CCDC178: variants seen among roughly 807,000 people sequenced by gnomAD.
CCDC178 encodes the protein coiled-coil domain containing 178.
A neutral mutation model predicts 117.4 loss-of-function variants in CCDC178; 126 were observed. The observed-to-expected ratio is 1.07, with a 90% CI of 0.93 to 1.24. The LOEUF (loss-of-function observed/expected upper bound fraction) is 1.24. Among genes scored for constraint, CCDC178 ranks in the 50% most tolerant of loss-of-function variants. The pLI is 0.00. For synonymous variants in CCDC178, 283 were observed against 313.4 expected (o/e 0.90, Z 1.02); for missense variants, 1,030 against 986.9 (o/e 1.04, Z -0.59).
At chr18:32,981,633 A>G (rs950546398) in intron 21 of CCDC178, among the ~76,000 whole-genome samples, 2 of 152,186 alleles carry the variant, frequency 1.3e-5, no homozygotes, top group Non-Finnish European at 2.9e-5. Context: ...AATTTATTAT[A>G]ATTTGTTTGT....
chr18:33,269,407 T>A (rs12150837), intron 12 of CCDC178, among the ~76,000 whole-genome samples: 10,437 of 151,822 alleles, frequency 0.069, 558 homozygotes, highest in African/African-American at 0.14. Flanking sequence ...GGTATTCACA[T>A]GTTCTGGAAA....
intron 20 of CCDC178, among the ~76,000 whole-genome samples, chr18:33,202,513 A>T (rs2059003014): frequency 6.6e-6 from 1 of 151,546 alleles, no homozygotes; most frequent in Admixed American, 6.6e-5. Flanking sequence ...AGCTGTTACC[A>T]GTCAACCAGG....
chr18:33,390,392 T>C (rs1332015320), intron 4 of CCDC178, among the ~76,000 whole-genome samples: 4 of 152,078 alleles, frequency 2.6e-5, no homozygotes, highest in Non-Finnish European at 5.9e-5. Flanking sequence ...AGACCATTCA[T>C]ATAACTTTAT....
chr18:33,308,005 G>C (rs1386428561), intron 11 of CCDC178, among the ~76,000 whole-genome samples: 1 of 152,224 alleles, frequency 6.6e-6, no homozygotes, highest in Non-Finnish European at 1.5e-5. Flanking sequence ...TGCAGAAGAG[G>C]AATGTGGGGT....
At chr18:33,234,459 G>A (rs531029033) in intron 15 of CCDC178, among the ~76,000 whole-genome samples, 88 of 152,026 alleles carry the variant, frequency 5.8e-4, no homozygotes, top group African/African-American at 2.0e-3. Context: ...TTATAAATAT[G>A]GAACAGAGAG....
At chr18:33,356,195 G>T in intron 7 of CCDC178, 129 bp downstream of exon 7, 1 of 917,356 alleles carries the variant, frequency 1.1e-6, no homozygotes, top group Non-Finnish European at 1.6e-6. Flanking sequence ...AAAATATATT[G>T]CAATATCTAT....
intron 22 of CCDC178, among the ~76,000 whole-genome samples, chr18:32,972,006 A>G (rs897428300): frequency 2.6e-5 from 4 of 152,098 alleles, no homozygotes; most frequent in Non-Finnish European, 5.9e-5. Context: ...TTTGCTGTGC[A>G]GAAGCTCTTT....
At chr18:33,057,242 G>A (rs2056845553) in intron 21 of CCDC178, among the ~76,000 whole-genome samples, 1 of 152,100 alleles carries the variant, frequency 6.6e-6, no homozygotes, top group South Asian at 2.1e-4. Context: ...TGGGCCTTAG[G>A]GGCAAAGTTG....
intron 15 of CCDC178, among the ~76,000 whole-genome samples, chr18:33,231,211 T>C (rs1357189632): frequency 6.6e-6 from 1 of 152,196 alleles, no homozygotes; most frequent in African/African-American, 2.4e-5. Flanking sequence ...ATTGTAATTA[T>C]GTTATATTCC....
At chr18:33,278,360 T>G (rs2059979323) in intron 12 of CCDC178, among the ~76,000 whole-genome samples, 1 of 150,290 alleles carries the variant, frequency 6.7e-6, no homozygotes, top group African/African-American at 2.4e-5. Context: ...TTTTAAGAGA[T>G]AATCACTTCT....
chr18:33,092,893 T>C lies in CCDC178; in HGVS notation c.2256A>G (p.Ser752=). The C allele has an allele frequency of 6.4e-7, 1 of 1,565,534 alleles. No homozygotes were observed. Residue 752 remains serine, a synonymous_variant, in exon 21 of 23, where the codon TCA becomes TCG. Transcript: ENST00000383096. The part of the protein sequence containing the change: ...LQDTQKIIAD[S]LEENLRLAQE... Reference sequence around the variant, plus strand: ...GAGCTAAACGCAGATTTTCTTCAAGTGAATCAGCTATTATTTTCTAGAAGG... The same window carrying C: ...GAGCTAAACGCAGATTTTCTTCAAGCGAATCAGCTATTATTTTCTAGAAGG...
Position 32,983,377 on chromosome 18 carries a change from T to C in CCDC178, c.2389-8696A>G, listed in dbSNP as rs1284596971. 10 of 1,413,284 alleles carry C rather than the reference T, an allele frequency of 7.1e-6. No homozygotes were observed. The South Asian group carries it at 1.1e-4, about 16-fold the overall frequency. The allele number at this position is 1,413,284 out of a possible 1,614,324, so 87.5% of individuals were successfully genotyped here. A position where few individuals can be genotyped will look rare whatever the true frequency, so the allele number is the denominator to read the frequency against. On this transcript the variant is annotated intron_variant, in intron 21 of 22. Transcript: ENST00000383096. ...CCTAAGAATAGAAATATTACAAATA[T>C]TACAAATGAAGCCATTTCAGAAGTC...
intron 2 of CCDC178, among the ~76,000 whole-genome samples, chr18:33,430,861 A>C (rs1005553607): frequency 1.3e-5 from 2 of 151,474 alleles, no homozygotes; most frequent in African/African-American, 2.4e-5. Flanking sequence ...TCACAAGGTC[A>C]GGAGTTCGAG....
chr18:33,301,935 G>A (rs904139254), intron 11 of CCDC178, among the ~76,000 whole-genome samples: 2 of 152,120 alleles, frequency 1.3e-5, no homozygotes, highest in African/African-American at 4.8e-5. Flanking sequence ...AACCAAGGGT[G>A]GAATGATATA....
rs2054994116 is a variant in CCDC178 at position 32,974,577 on chromosome 18, C to G, written c.2493G>C (p.Gln831His). 5.6e-6 allele frequency: 9 copies of G among 1,613,496 alleles called. No homozygotes were observed. Among genetic ancestry groups the G allele is most frequent in the East Asian group, 2.2e-5 (1 of 44,866 alleles). Residue 831 changes from glutamine (Q) to histidine (H), a missense_variant, in exon 22 of 23, where the codon CAG becomes CAC. Transcript: ENST00000383096. ...MRLANFQTDS[Q>H]ESIQKILAVQ... ...CAGCTAATATTTTCTGAATACTCTC[C>G]TGAGAGTCTGTCTGGAAGTTGGCCA... is the stretch of plus-strand genomic sequence containing the variant.
intron 21 of CCDC178, among the ~76,000 whole-genome samples, chr18:33,001,821 C>T (rs947783391): frequency 1.3e-5 from 2 of 151,818 alleles, no homozygotes; most frequent in Non-Finnish European, 2.9e-5. Context: ...CACATAGAAA[C>T]TAAAGGGATG....
At chr18:33,087,566 TTGTGTG>T (rs57033642) in intron 21 of CCDC178, among the ~76,000 whole-genome samples, 2,304 of 146,108 alleles carry the variant, frequency 0.016, 55 homozygotes, top group African/African-American at 0.051. Context: ...CCAAAGCCAT[TTGTGTG>T]TGTGTGTGTG....
In CCDC178 at chr18:33,376,165, G is replaced by A. The variant is rs112420968; in HGVS notation, c.209-5976C>T. Reference sequence around the variant, plus strand: ...ATGAGTTTAAGGTGTTTTCTATTAGGAGACTGCCTTTCTCTGGCACTGGCT... The same window carrying A: ...ATGAGTTTAAGGTGTTTTCTATTAGAAGACTGCCTTTCTCTGGCACTGGCT... On this transcript the variant is annotated intron_variant, in intron 5 of 22. Coordinates refer to ENST00000383096, the MANE Select transcript of CCDC178 (RefSeq NM_001105528.4). Among the ~76,000 whole-genome samples the A allele has an allele frequency of 4.2e-3, 641 of 152,166 alleles. 4 individuals carry two copies. Among genetic ancestry groups the A allele is most frequent in the African/African-American group, 0.014 (596 of 41,518 alleles).
chr18:33,027,323 CAAA>C (rs924278104), intron 21 of CCDC178, among the ~76,000 whole-genome samples: 17 of 151,406 alleles, frequency 1.1e-4, no homozygotes, highest in Admixed American at 7.2e-4. Flanking sequence ...AAGCTATACA[CAAA>C]AGAGTAGCTA....
Sources: allele counts gnomAD v4.1 joint callset (sites outside exome capture counted in the v4.1 genomes callset), GRCh38; gene constraint gnomAD v4.1.1; transcripts MANE v1.5; gene names NCBI Gene and HGNC (gene_info 2026-07-23, HGNC 2026-07-21).